The following RP1 variants were observed in gnomAD, a reference collection of about 807,000 sequenced individuals.
RP1 encodes oxygen-regulated protein 1.
RP1 carries 16 observed loss-of-function variants against 14.8 expected under a neutral mutation model. The ratio of observed to expected loss-of-function variants is 1.08; its 90% CI spans 0.73 to 1.65. RP1 has a LOEUF of 1.65. RP1 is among the 40% of genes most tolerant of loss of function. The pLI is 0.00. For synonymous variants in RP1, 876 were observed against 883.6 expected (o/e 0.99, Z 0.15); for missense variants, 2,631 against 2,535.0 (o/e 1.04, Z -0.81).
intron 17 of RP1, among the ~76,000 whole-genome samples, chr8:54,727,222 G>A (rs909306371): frequency 7.2e-5 from 11 of 152,008 alleles, no homozygotes; most frequent in African/African-American, 2.4e-4. Context: ...ATGAACATAG[G>A]GAAGAGAAAT....
chr8:54,830,641 T>G (rs1811497525), intron 24 of RP1, among the ~76,000 whole-genome samples: 1 of 152,188 alleles, frequency 6.6e-6, no homozygotes, highest in South Asian at 2.1e-4. Flanking sequence ...AAATCCAGTC[T>G]GATAATCTCT....
chr8:54,636,330 C>T (rs1272721675), intron 3 of RP1, among the ~76,000 whole-genome samples: 3 of 152,232 alleles, frequency 2.0e-5, no homozygotes, highest in Admixed American at 6.5e-5. Flanking sequence ...ATGGAAGGCG[C>T]ACTGTCAACA....
At position 54,628,296 on chromosome 8, in the gene RP1, G is replaced by GA. The variant is rs1806137420; in HGVS notation, c.4418dup (p.Asn1473LysfsTer3). The GA allele has an allele frequency of 1.2e-6, 2 of 1,613,868 alleles. No homozygotes were observed. Among genetic ancestry groups the GA allele is most frequent in the Non-Finnish European group, 1.7e-6 (2 of 1,179,908 alleles). On this transcript the variant is annotated frameshift_variant, in exon 4 of 4. Transcript: ENST00000220676. LOFTEE classifies it low-confidence loss of function (END_TRUNC). ...AGAATTGGAATCTTTTGAAGAATTA[G>GA]AAAACCATGACACTGATATCTTTAA...
At chr8:54,806,878 C>A (rs1482301015) in intron 24 of RP1, among the ~76,000 whole-genome samples, 27 of 152,136 alleles carry the variant, frequency 1.8e-4, no homozygotes. Flanking sequence ...TTACCAAATG[C>A]TAACTATGTT....
intron 1 of RP1, among the ~76,000 whole-genome samples, chr8:54,572,354 T>A (rs1365179360): frequency 2.0e-5 from 3 of 152,232 alleles, no homozygotes; most frequent in Admixed American, 2.0e-4. Flanking sequence ...AAACAATTAT[T>A]TAGAGAAAGT....
intron 1 of RP1, among the ~76,000 whole-genome samples, chr8:54,617,528 C>T (rs973697468): frequency 3.9e-5 from 6 of 152,200 alleles, no homozygotes; most frequent in African/African-American, 1.2e-4. Context: ...TTAATGACCA[C>T]GTTGCTAGTC....
At chr8:54,562,564 C>T (rs1028008813) in intron 1 of RP1, among the ~76,000 whole-genome samples, 5 of 151,904 alleles carry the variant, frequency 3.3e-5, no homozygotes, top group African/African-American at 1.2e-4. Context: ...ATCCCAGCTA[C>T]TCAGGAGGCC....
At chr8:54,826,227 A>T (rs10111159) in intron 24 of RP1, among the ~76,000 whole-genome samples, 1,622 of 152,332 alleles carry the variant, frequency 0.011, 10 homozygotes, top group Non-Finnish European at 0.018. Context: ...AAAGAGTGAG[A>T]AACATTTTTG....
At chr8:54,810,307 G>C (rs766387931) in intron 24 of RP1, among the ~76,000 whole-genome samples, 3 of 151,878 alleles carry the variant, frequency 2.0e-5, no homozygotes, top group Admixed American at 2.0e-4. Flanking sequence ...TTTTAGAAAG[G>C]GTATTTCTGA....
intron 28 of RP1, among the ~76,000 whole-genome samples, chr8:54,869,274 C>T (rs893578779): frequency 6.6e-6 from 1 of 151,932 alleles, no homozygotes; most frequent in African/African-American, 2.4e-5. Context: ...GTGGCTCTTC[C>T]AATGTAGGTA....
chr8:54,581,165 C>T (rs576380030), intron 1 of RP1, among the ~76,000 whole-genome samples: 136 of 152,034 alleles, frequency 8.9e-4, no homozygotes, highest in African/African-American at 2.8e-3. Flanking sequence ...CTTCCCCCAC[C>T]CCACAACAGG....
chr8:54,732,575 T>C (rs1444134816), intron 17 of RP1, among the ~76,000 whole-genome samples: 1 of 152,120 alleles, frequency 6.6e-6, no homozygotes, highest in Non-Finnish European at 1.5e-5. Flanking sequence ...ATCCATAAGA[T>C]AGTAAGTAAG....
At chr8:54,811,475 C>T (rs925205260) in intron 24 of RP1, among the ~76,000 whole-genome samples, 5 of 152,184 alleles carry the variant, frequency 3.3e-5, no homozygotes, top group South Asian at 2.1e-4. Flanking sequence ...TGCACAGCCC[C>T]CTCTTGCAGT....
rs564325247 is a variant in RP1, at chr8:54,582,483, C to A, written c.-13+23163C>A. On this transcript the variant is annotated intron_variant, in intron 1 of 22. Transcript: ENST00000636932. ...TTGCCTTAGGATTGACTTGGCAATG[C>A]GGGCTCTTTTTTGGTTCCATATGAA... is the stretch of plus-strand genomic sequence containing the variant. 2.4e-3 allele frequency among the ~76,000 whole-genome samples: 354 copies of A among 150,188 alleles called. 2 individuals are homozygous for A. The highest frequency in any genetic ancestry group is 7.4e-3 in the African/African-American group (298 of 40,520).
At chr8:54,746,447 T>C (rs770592696) in intron 19 of RP1, among the ~76,000 whole-genome samples, 9 of 152,188 alleles carry the variant, frequency 5.9e-5, no homozygotes, top group Non-Finnish European at 1.2e-4. Context: ...ACTAACCAAC[T>C]GTGCTGTCTA....
At chr8:54,658,570 A>T (rs867129407) in intron 6 of RP1, among the ~76,000 whole-genome samples, 3,874 of 151,174 alleles carry the variant, frequency 0.026, 203 homozygotes, top group African/African-American at 0.089. Flanking sequence ...AAAAAAAAAA[A>T]AGACTGCGTA....
At chr8:54,702,299 A>G (rs1808042563) in intron 14 of RP1, among the ~76,000 whole-genome samples, 1 of 152,212 alleles carries the variant, frequency 6.6e-6, no homozygotes, top group South Asian at 2.1e-4. Flanking sequence ...AAGTCTACTT[A>G]TATTTAAAAC....
Position 54,734,327 on chromosome 8 carries a change from G to A in RP1, c.2522-218G>A, listed in dbSNP as rs554024356. ...CATGTAGGTCAGATGTTTATTGTTC[G>A]AATCCAGTTTACTTCGGTGATTGAG... On this transcript the variant is annotated intron_variant, in intron 17 of 22. Coordinates refer to the RP1 transcript ENST00000636932. 1.1e-4 allele frequency among the ~76,000 whole-genome samples: 17 copies of A among 152,212 alleles called. No individual in the cohort carries two copies. The South Asian group carries it at 3.1e-3, about 28-fold the overall frequency.
chr8:54,838,100 G>A (rs1407862394), intron 25 of RP1, among the ~76,000 whole-genome samples: 1 of 152,230 alleles, frequency 6.6e-6, no homozygotes, highest in Non-Finnish European at 1.5e-5. Context: ...ACACCAGTAT[G>A]TCTGTTCAGA....
Sources: allele counts gnomAD v4.1 joint callset (sites outside exome capture counted in the v4.1 genomes callset), GRCh38; gene constraint gnomAD v4.1.1; transcripts MANE v1.5; gene names NCBI Gene and HGNC (gene_info 2026-07-23, HGNC 2026-07-21).